Variants in MUC3A observed in about 807,000 individuals in gnomAD.
The protein encoded by MUC3A is mucin-3A.
MUC3A carries 109 observed loss-of-function variants against 109.0 expected under a neutral mutation model. The ratio of observed to expected loss-of-function variants is 1.00; its 90% CI spans 0.86 to 1.17. MUC3A has a LOEUF of 1.17. Ranked by LOEUF, MUC3A falls within the 50% of genes most tolerant of loss-of-function variation. The pLI is 0.00. For missense variants in MUC3A, 3,537 were observed against 2,469.4 expected, an observed-to-expected ratio of 1.43 and a Z score of -9.16; for synonymous variants, 1,398 against 981.4, an observed-to-expected ratio of 1.42 and a Z score of -7.93.
At chr7:100,961,336 C>T (rs1366060164) in intron 3 of MUC3A, among the ~76,000 whole-genome samples, 1 of 69,936 alleles carries the variant, frequency 1.4e-5, no homozygotes, top group Non-Finnish European at 2.9e-5. Context: ...CTTTCAGCGG[C>T]TCCAGGGAAG....
chr7:100,958,775 G>T lies in MUC3A; in HGVS notation c.6996G>T (p.Glu2332Asp). The change falls in exon 2 of 12, where the codon GAG (glutamate) becomes GAT (aspartate). Residue 2332 changes from glutamate to aspartate, a missense_variant. Physicochemically the swap from Glu to Asp is conservative, Grantham distance 45 (BLOSUM62 2). Coordinates refer to ENST00000379458, the MANE Select transcript of MUC3A (RefSeq NM_005960.2). ...TCACTTCTTCGATCACCACCACCGA[G>T]ACCACCTCACACAATACTCGCAGCT... is the stretch of plus-strand genomic sequence containing the variant. Reference protein sequence around the residue: ...HSFTSSITTTETTSHNTRSFT... With the variant: ...HSFTSSITTTDTTSHNTRSFT... The T allele has an allele frequency of 6.7e-7, 1 of 1,498,886 alleles. No homozygotes were observed. The highest frequency in any genetic ancestry group is 9.0e-7 in the Non-Finnish European group (1 of 1,112,270). 92.8% of individuals were successfully genotyped at this position (1,498,886 alleles called of 1,614,324 possible). A position where few individuals can be genotyped will look rare whatever the true frequency, so the allele number is the denominator to read the frequency against.
At chr7:100,964,045 C>A (rs1792435286) in intron 5 of MUC3A, 2 of 582,654 alleles carry the variant, frequency 3.4e-6, no homozygotes, top group Admixed American at 3.0e-5. Context: ...CCCTGCTCTA[C>A]TGAGTGGGTC....
chr7:100,961,266 T>C (rs1792316271), intron 3 of MUC3A, among the ~76,000 whole-genome samples: 1 of 152,310 alleles, frequency 6.6e-6, no homozygotes, highest in Non-Finnish European at 1.5e-5. Flanking sequence ...ATTCTGTAGA[T>C]TAGAAGTCTG....
Position 100,967,309 on chromosome 7 carries a change from A to C in MUC3A, c.*147A>C, listed in dbSNP as rs1166498490. 6 of 1,304,924 alleles carry C rather than the reference A, an allele frequency of 4.6e-6. No homozygotes were observed. In the African/African-American group the frequency reaches 8.8e-5, roughly 19 times the overall value. 80.8% of individuals were successfully genotyped at this position (1,304,924 alleles called of 1,614,324 possible). ...AGATGAGACTGTTCCCCCAAATCCC[A>C]TCCTTCTCCTTCCAACTTGGCTGAA... On this transcript the variant is annotated 3_prime_UTR_variant, in exon 12 of 12. Transcript: ENST00000379458.
chr7:100,962,193 C>G, intron 3 of MUC3A, among the ~76,000 whole-genome samples: 1 of 40,942 alleles, frequency 2.4e-5, no homozygotes, highest in Non-Finnish European at 6.1e-5. Flanking sequence ...GATCCCGCCA[C>G]TGCACTCCAG....
In MUC3A at chr7:100,957,004, T is replaced by G; in HGVS notation, c.5225T>G (p.Leu1742Arg). ...STATSPKTTT[L>R]TPTSDISTGS... ...GCCACATCCCCTAAGACCACCACACTGACTCCTACCTCTGACATTTCCACA... is the reference window on the plus strand; with the variant it reads ...GCCACATCCCCTAAGACCACCACACGGACTCCTACCTCTGACATTTCCACA... The change falls in exon 2 of 12, where the codon CTG becomes CGG. Residue 1742 changes from leucine to arginine, a missense_variant. Transcript: ENST00000379458. The G allele has an allele frequency of 2.3e-6, 1 of 439,508 alleles. No individual in the cohort carries two copies. The highest frequency in any genetic ancestry group is 4.0e-6 in the Non-Finnish European group (1 of 250,560). The allele number at this position is 439,508 out of a possible 1,614,324, so 27.2% of individuals were successfully genotyped here.
In MUC3A at chr7:100,966,736, C is replaced by A. The variant is rs756857687; in HGVS notation, c.9870C>A (p.Asp3290Glu). 6 of 1,598,546 alleles carry A rather than the reference C, an allele frequency of 3.8e-6. No homozygotes were observed. Among genetic ancestry groups the A allele is most frequent in the Non-Finnish European group, 5.1e-6 (6 of 1,179,830 alleles). ...TTTCAAACTGGGGTTTCGAGGACGA[C>A]GGAACAGGTGAGTCCTGCCTCCTGG... ...GTFSNWGFED[D>E]GTDKDTNFYV... is the part of the protein sequence containing the mutation. The change falls in exon 10 of 12, where the codon GAC becomes GAA. Residue 3290 changes from aspartate to glutamate, a missense_variant. By Grantham distance (45) the Asp-to-Glu change is conservative. Coordinates refer to ENST00000379458, the MANE Select transcript of MUC3A (RefSeq NM_005960.2).
Position 100,959,859 on chromosome 7 carries a change from C to A in MUC3A, c.8080C>A (p.Pro2694Thr). 6.4e-7 allele frequency: 1 copy of A among 1,559,546 alleles called. No individual in the cohort carries two copies. Among genetic ancestry groups the A allele is most frequent in the Middle Eastern group, 1.7e-4 (1 of 5,846 alleles). ...STPTIIMSSS[P>T]SSASITPVFS... ...ACCCACTATTATCATGTCCTCTTCT[C>A]CATCTTCTGCCAGCATAACTCCAGT... The change falls in exon 2 of 12, where the codon CCA becomes ACA. Residue 2694 changes from proline (P) to threonine (T), a missense_variant. Pro to Thr is a conservative substitution (Grantham distance 38, BLOSUM62 -1). Coordinates refer to ENST00000379458, the MANE Select transcript of MUC3A (RefSeq NM_005960.2).
rs376696009 is a variant in MUC3A at position 100,958,730 on chromosome 7, C to T, written c.6951C>T (p.Thr2317=). 3.6e-5 allele frequency: 46 copies of T among 1,270,574 alleles called. 2 individuals carry two copies. Among genetic ancestry groups the T allele is most frequent in the Non-Finnish European group, 4.5e-5 (45 of 1,000,318 alleles). The allele number at this position is 1,270,574 out of a possible 1,614,324, so 78.7% of individuals were successfully genotyped here. The part of the protein sequence containing the change: ...FTSSITTTET[T]SHSAHSFTSS... ...CTTCGATCACCACCACGGAGACCAC[C>T]TCACACAGTGCTCACAGCTTCACTT... The change falls in exon 2 of 12, where the codon ACC becomes ACT. Residue 2317 remains threonine, a synonymous_variant. Coordinates refer to ENST00000379458, the MANE Select transcript of MUC3A (RefSeq NM_005960.2).
chr7:100,965,062 C>A, intron 6 of MUC3A: 1 of 1,107,926 alleles, frequency 9.0e-7, no homozygotes, highest in Non-Finnish European at 1.3e-6. Flanking sequence ...TTGTCATGGT[C>A]AGCATTTCCC....
intron 6 of MUC3A, 111 bp downstream of exon 6, chr7:100,964,954 G>C (rs1186589841): frequency 6.9e-6 from 10 of 1,457,450 alleles, no homozygotes; most frequent in Admixed American, 2.3e-5. Context: ...ACCTCTGGCA[G>C]GTTGGGAGAA....
Position 100,957,453 on chromosome 7 carries a change from T to G in MUC3A, c.5674T>G (p.Leu1892Val), listed in dbSNP as rs1457846506. 2 of 1,379,370 alleles carry G rather than the reference T, an allele frequency of 1.4e-6. No homozygotes were observed. The highest frequency in any genetic ancestry group is 2.6e-5 in the South Asian group (2 of 75,696). The allele number at this position is 1,379,370 out of a possible 1,614,324, so 85.4% of individuals were successfully genotyped here. A position where few individuals can be genotyped will look rare whatever the true frequency, so the allele number is the denominator to read the frequency against. Reference protein sequence around the residue: ...TVTATVPTTNLVTTTTKITSH... With the variant: ...TVTATVPTTNVVTTTTKITSH... Reference sequence around the variant, plus strand: ...AACAGCCACAGTTCCAACAACAAACTTGGTAACCACGACCACCAAGATCAC... The same window carrying G: ...AACAGCCACAGTTCCAACAACAAACGTGGTAACCACGACCACCAAGATCAC... The change falls in exon 2 of 12, where the codon TTG (leucine) becomes GTG (valine). Residue 1892 changes from leucine (L) to valine (V), a missense_variant. Physicochemically the swap from Leu to Val is conservative, Grantham distance 32 (BLOSUM62 1). Transcript: ENST00000379458.
chr7:100,952,161 T>G lies in MUC3A; in HGVS notation c.382T>G (p.Cys128Gly), dbSNP rs1403658189. ...TVLVYSATTE[C>G]VYPTSFIITI... ...GTTGGTCTATTCAGCCACCACTGAG[T>G]GCGTGTATCCAACGAGCTTTATAAT... Residue 128 changes from cysteine (C) to glycine (G), a missense_variant, in exon 2 of 12, where the codon TGC becomes GGC. Physicochemically the swap from Cys to Gly is radical, Grantham distance 159. Coordinates refer to ENST00000379458, the MANE Select transcript of MUC3A (RefSeq NM_005960.2). 4.4e-6 allele frequency: 7 copies of G among 1,598,510 alleles called. No individual in the cohort carries two copies. The South Asian group carries it at 5.5e-5, about 13-fold the overall frequency.
At chr7:100,964,894 C>T in intron 6 of MUC3A, 51 bp downstream of exon 6, 1 of 1,545,358 alleles carries the variant, frequency 6.5e-7, no homozygotes, top group Non-Finnish European at 8.7e-7. Context: ...CACCCCAGCC[C>T]ACTCCAGCTC....
At chr7:100,966,231 G>T in intron 8 of MUC3A, 155 bp from the exon 9 acceptor site, 2 of 415,184 alleles carry the variant, frequency 4.8e-6, no homozygotes, top group Non-Finnish European at 6.4e-6. Context: ...CCGGCCCCTC[G>T]TTCTAGGGTG....
At chr7:100,966,050 T>C (rs1792530759) in intron 8 of MUC3A, 184 bp downstream of exon 8, 1 of 798,072 alleles carries the variant, frequency 1.3e-6, no homozygotes, top group Admixed American at 3.5e-5. Context: ...CTCTGCTCCT[T>C]TGATGGGGTT....
Position 100,954,042 on chromosome 7 carries a change from G to C in MUC3A, c.2263G>C (p.Ala755Pro). The part of the protein sequence containing the change: ...TSPLVSTAKT[A>P]KTPTTNLVTT... ...TCCCTTGGTCTCAACTGCAAAAACA[G>C]CCAAAACTCCTACCACAAACTTGGT... The change falls in exon 2 of 12, where the codon GCC becomes CCC. Residue 755 changes from alanine to proline, a missense_variant. Coordinates refer to ENST00000379458, the MANE Select transcript of MUC3A (RefSeq NM_005960.2). 2.0e-6 allele frequency: 1 copy of C among 494,154 alleles called. No individual in the cohort carries two copies. The highest frequency in any genetic ancestry group is 3.6e-6 in the Non-Finnish European group (1 of 279,018). The allele number at this position is 494,154 out of a possible 1,614,324, so 30.6% of individuals were successfully genotyped here. A position where few individuals can be genotyped will look rare whatever the true frequency, so the allele number is the denominator to read the frequency against.
chr7:100,967,196 C>G lies in MUC3A; in HGVS notation c.*34C>G. The G allele has an allele frequency of 6.3e-7, 1 of 1,598,324 alleles. No homozygotes were observed. Among genetic ancestry groups the G allele is most frequent in the East Asian group, 2.2e-5 (1 of 44,886 alleles). ...GGGCCCCTTCACCACCCCCTCCGCC[C>G]TGCCCCGGACACAAGGGTCTGCATT... is the stretch of plus-strand genomic sequence containing the variant. On this transcript the variant is annotated 3_prime_UTR_variant, in exon 12 of 12. Coordinates refer to ENST00000379458, the MANE Select transcript of MUC3A (RefSeq NM_005960.2).
chr7:100,965,157 G>GGCTCTCCCAGACGGAGAGA (rs2116222564), intron 6 of MUC3A, 125 bp from the exon 7 acceptor site: 4 of 3,086 alleles, frequency 1.3e-3, no homozygotes, highest in East Asian at 0.043. Flanking sequence ...TCTGGGAGAG[G>GGCTCTCCCAGACGGAGAGA]GCTCTCCCAG....
Sources: allele counts gnomAD v4.1 joint callset (sites outside exome capture counted in the v4.1 genomes callset), GRCh38; gene constraint gnomAD v4.1.1; transcripts MANE v1.5; gene names NCBI Gene and HGNC (gene_info 2026-07-23, HGNC 2026-07-21).